PLCE1: variants seen among roughly 807,000 people sequenced by gnomAD.
PLCE1 encodes phospholipase C epsilon 1.
Under a neutral mutation model 242.8 loss-of-function variants are expected in PLCE1, and 119 were observed. The observed-to-expected ratio is 0.49, with a 90% CI of 0.42 to 0.57. The LOEUF is 0.57. PLCE1 is among the 20% of genes least tolerant of loss of function. PLCE1 has a pLI of 0.00. For synonymous variants in PLCE1, 945 were observed against 1,017.4 expected (o/e 0.93, Z 1.35); for missense variants, 2,441 against 2,788.8 (o/e 0.88, Z 2.81).
chr10:94,066,088 G>T (rs888704381), intron 2 of PLCE1, among the ~76,000 whole-genome samples: 1 of 152,102 alleles, frequency 6.6e-6, no homozygotes, highest in Non-Finnish European at 1.5e-5. Flanking sequence ...AGGAGAAGAG[G>T]CACAAAAATC....
intron 3 of PLCE1, among the ~76,000 whole-genome samples, chr10:94,134,856 G>A (rs539020186): frequency 8.5e-5 from 13 of 152,290 alleles, no homozygotes; most frequent in South Asian, 6.2e-4. Context: ...TTAAATTGGC[G>A]TTTTATGCAA....
intron 23 of PLCE1, among the ~76,000 whole-genome samples, chr10:94,297,065 A>G (rs889633442): frequency 1.9e-4 from 29 of 152,118 alleles, no homozygotes; most frequent in African/African-American, 6.7e-4. Context: ...ACAGGGTTTC[A>G]CCATGTTAGC....
intron 4 of PLCE1, among the ~76,000 whole-genome samples, chr10:94,220,359 C>T (rs930192420): frequency 4.1e-4 from 41 of 100,538 alleles, no homozygotes; most frequent in Non-Finnish European, 6.8e-4. Context: ...GAAATAAAAG[C>T]TTAAAAACTA....
intron 4 of PLCE1, among the ~76,000 whole-genome samples, chr10:94,205,173 T>C (rs1421917419): frequency 6.6e-6 from 1 of 152,180 alleles, no homozygotes; most frequent in Non-Finnish European, 1.5e-5. Context: ...TATGCAAAAG[T>C]AATCTTGGTT....
At chr10:94,182,953 T>G (rs2048358189) in intron 4 of PLCE1, among the ~76,000 whole-genome samples, 1 of 152,340 alleles carries the variant, frequency 6.6e-6, no homozygotes, top group East Asian at 1.9e-4. Context: ...TGAGCAGTGT[T>G]ATTACTATTA....
At chr10:94,134,839 G>A (rs1209968789) in intron 3 of PLCE1, among the ~76,000 whole-genome samples, 3 of 152,156 alleles carry the variant, frequency 2.0e-5, no homozygotes, top group Non-Finnish European at 4.4e-5. Flanking sequence ...CAGCTAATGT[G>A]TTATCTTTAA....
intron 4 of PLCE1, among the ~76,000 whole-genome samples, chr10:94,188,161 T>G (rs1042428644): frequency 1.2e-4 from 18 of 152,226 alleles, no homozygotes; most frequent in African/African-American, 4.3e-4. Context: ...AAGTAAAATT[T>G]GTCTTGTATT....
intron 24 of PLCE1, among the ~76,000 whole-genome samples, chr10:94,301,443 A>G (rs1425722754): frequency 6.6e-6 from 1 of 152,180 alleles, no homozygotes; most frequent in Non-Finnish European, 1.5e-5. Context: ...TGTTGAAAAG[A>G]ATTTCCAGGC....
chr10:94,113,234 G>A (rs112405766), intron 2 of PLCE1, among the ~76,000 whole-genome samples: 1,499 of 149,388 alleles, frequency 0.01, 32 homozygotes, highest in African/African-American at 0.035. Flanking sequence ...TGAATGAATT[G>A]TATGGAATGT....
At chr10:94,250,513 A>T (rs2050839566) in intron 8 of PLCE1, among the ~76,000 whole-genome samples, 1 of 152,180 alleles carries the variant, frequency 6.6e-6, no homozygotes, top group African/African-American at 2.4e-5. Flanking sequence ...AGAAAAAAAA[A>T]AGAGAAGAAA....
chr10:94,094,866 T>A (rs1449636392), intron 2 of PLCE1: 1 of 152,186 alleles, frequency 6.6e-6, no homozygotes, highest in African/African-American at 2.4e-5. Context: ...CGATATCTAA[T>A]TCCATAGAAG....
chr10:94,258,989 G>A (rs756085909), intron 12 of PLCE1, 25 bp from the exon 13 acceptor site: 177 of 1,613,884 alleles, frequency 1.1e-4, no homozygotes, highest in Non-Finnish European at 1.4e-4. Flanking sequence ...TACTCAATGA[G>A]AGGTGTTTTC....
rs1369709323 is a variant in PLCE1 at position 94,259,035 on chromosome 10, G to A, written c.3699G>A (p.Leu1233=). 6.2e-7 allele frequency: 1 copy of A among 1,614,154 alleles called. No individual in the cohort carries two copies. ...TCAGTGTCAGGAGCCGCAAGGACCT[G>A]AAGGATCTGTTTGATGTCTATGCAG... The part of the protein sequence containing the change: ...KSFSVRSRKD[L]KDLFDVYAVP... The change falls in exon 13 of 33, where the codon CTG becomes CTA. Residue 1233 remains leucine (L), a synonymous_variant. Transcript: ENST00000371380.
At chr10:94,106,504 T>C (rs998012955) in intron 2 of PLCE1, among the ~76,000 whole-genome samples, 7 of 152,210 alleles carry the variant, frequency 4.6e-5, no homozygotes, top group African/African-American at 1.4e-4. Context: ...GGAGTGAGCA[T>C]CTTTATATAT....
intron 4 of PLCE1, among the ~76,000 whole-genome samples, chr10:94,216,599 G>C (rs907106632): frequency 6.6e-6 from 1 of 152,162 alleles, no homozygotes; most frequent in Admixed American, 6.5e-5. Context: ...GGGATACCTA[G>C]CTGTCTGGGT....
At chr10:94,223,080 G>T (rs2049810715) in intron 4 of PLCE1, among the ~76,000 whole-genome samples, 1 of 152,000 alleles carries the variant, frequency 6.6e-6, no homozygotes, top group Non-Finnish European at 1.5e-5. Flanking sequence ...GGGCAGTGCT[G>T]CCTAAAGGAT....
intron 2 of PLCE1, among the ~76,000 whole-genome samples, chr10:94,093,172 G>C (rs2135392283): frequency 6.6e-6 from 1 of 152,206 alleles, no homozygotes; most frequent in South Asian, 2.1e-4. Context: ...CCTAAACCTT[G>C]GTTGCCTGGT....
intron 2 of PLCE1, chr10:94,107,611 A>T (rs1298517725): frequency 6.6e-6 from 1 of 152,200 alleles, no homozygotes; most frequent in Non-Finnish European, 1.5e-5. Flanking sequence ...TGGACAATTT[A>T]AATAGCTTTT....
chr10:94,063,029 C>G (rs2044101986), intron 2 of PLCE1, among the ~76,000 whole-genome samples: 1 of 152,130 alleles, frequency 6.6e-6, no homozygotes, highest in South Asian at 2.1e-4. Flanking sequence ...TCCAAGCCTC[C>G]CTTCCTGTTG....
Sources: allele counts gnomAD v4.1 joint callset (sites outside exome capture counted in the v4.1 genomes callset), GRCh38; gene constraint gnomAD v4.1.1; transcripts MANE v1.5; gene names NCBI Gene and HGNC (gene_info 2026-07-23, HGNC 2026-07-21).